The following SEMA3E variants were observed in gnomAD, a reference collection of about 807,000 sequenced individuals.
The protein encoded by SEMA3E is semaphorin 3E, also known as semaphorin-3E.
A neutral mutation model predicts 93.6 loss-of-function variants in SEMA3E; 49 were observed. The observed-to-expected ratio is 0.52, with a 90% confidence interval of 0.42 to 0.66. The LOEUF (loss-of-function observed/expected upper bound fraction) is 0.66, where lower values mean the gene tolerates loss of function less well. SEMA3E is among the 30% of genes least tolerant of loss of function. SEMA3E has a pLI of 0.00. For synonymous variants in SEMA3E, 363 were observed against 330.7 expected (o/e 1.10, Z -1.06); for missense variants, 906 against 964.8 (o/e 0.94, Z 0.81).
chr7:83,627,000 A>G (rs1265801528), intron 1 of SEMA3E, among the ~76,000 whole-genome samples: 1 of 152,150 alleles, frequency 6.6e-6, no homozygotes, highest in East Asian at 1.9e-4. Flanking sequence ...TTCAGTTTCC[A>G]TGTAGTTGTG....
chr7:83,537,603 A>C (rs1359251255), intron 1 of SEMA3E, among the ~76,000 whole-genome samples: 1 of 152,156 alleles, frequency 6.6e-6, no homozygotes, highest in Non-Finnish European at 1.5e-5. Flanking sequence ...AACAAATTTT[A>C]ATGCTGTAAC....
At chr7:83,389,610 T>C (rs918516729) in intron 14 of SEMA3E, among the ~76,000 whole-genome samples, 13 of 151,598 alleles carry the variant, frequency 8.6e-5, no homozygotes, top group Admixed American at 1.3e-4. Context: ...TATACACGTA[T>C]ATATTACATG....
chr7:83,548,038 A>C (rs1337766658), intron 1 of SEMA3E, among the ~76,000 whole-genome samples: 1 of 152,090 alleles, frequency 6.6e-6, no homozygotes, highest in Non-Finnish European at 1.5e-5. Flanking sequence ...AGTGAGACCA[A>C]GGTGGGCACA....
intron 4 of SEMA3E, among the ~76,000 whole-genome samples, chr7:83,452,536 G>C (rs1789387500): frequency 6.6e-6 from 1 of 152,152 alleles, no homozygotes; most frequent in African/African-American, 2.4e-5. Flanking sequence ...AGGTGCAAGA[G>C]AGTGAGGTTT....
At chr7:83,639,415 G>GTTA (rs997095509) in intron 1 of SEMA3E, among the ~76,000 whole-genome samples, 2 of 151,802 alleles carry the variant, frequency 1.3e-5, no homozygotes, top group Admixed American at 1.3e-4. Flanking sequence ...TTATAGTTGT[G>GTTA]TTATTTTGAC....
At position 83,400,180 on chromosome 7, in the gene SEMA3E, G is replaced by A. The variant is rs1390797360; in HGVS notation, c.1214C>T (p.Ala405Val). 6 of 1,613,758 alleles carry A rather than the reference G, an allele frequency of 3.7e-6. No homozygotes were observed. The highest frequency in any genetic ancestry group is 1.3e-5 in the African/African-American group (1 of 74,862). The change falls in exon 11 of 17, where the codon GCA becomes GTA. Residue 405 changes from alanine (A) to valine (V), a missense_variant. Physicochemically the swap from Ala to Val is moderately conservative, Grantham distance 64 (BLOSUM62 0). Transcript: ENST00000643230. ...KDYPDDAIRF[A>V]RSHPLMYQAI... The stretch of plus-strand genomic sequence containing the variant: ...CTGGTACATTAGTGGATGACTTCTT[G>A]CAAATCGGATGGCATCATCAGGATA...
chr7:83,624,204 T>C (rs1265517528), intron 1 of SEMA3E, among the ~76,000 whole-genome samples: 1 of 152,184 alleles, frequency 6.6e-6, no homozygotes, highest in Non-Finnish European at 1.5e-5. Context: ...TGTGTCTTTA[T>C]AGTAGAATGA....
At chr7:83,412,282 A>G (rs1788452057) in intron 5 of SEMA3E, among the ~76,000 whole-genome samples, 1 of 152,032 alleles carries the variant, frequency 6.6e-6, no homozygotes, top group African/African-American at 2.4e-5. Context: ...TCATCCAACT[A>G]TATTTTTATT....
chr7:83,508,855 T>C (rs1438625015), intron 1 of SEMA3E, among the ~76,000 whole-genome samples: 2 of 152,202 alleles, frequency 1.3e-5, no homozygotes, highest in African/African-American at 2.4e-5. Context: ...TACCCTACTA[T>C]ATGACCAAAA....
intron 4 of SEMA3E, among the ~76,000 whole-genome samples, chr7:83,440,896 G>A (rs1469828519): frequency 1.3e-5 from 2 of 151,970 alleles, no homozygotes; most frequent in African/African-American, 2.4e-5. Context: ...AAAGTTTAAT[G>A]AGCAAGAGGG....
rs535313783 is a variant in SEMA3E at position 83,434,775 on chromosome 7, G to A, written c.457-16292C>T. 1.6e-3 allele frequency among the ~76,000 whole-genome samples: 240 copies of A among 148,106 alleles called. 1 individual carries two copies. Among genetic ancestry groups the A allele is most frequent in the Non-Finnish European group, 2.9e-3 (195 of 66,988 alleles). On this transcript the variant is annotated intron_variant, in intron 4 of 16. Coordinates refer to ENST00000643230, the MANE Select transcript of SEMA3E (RefSeq NM_012431.3). ...GTCGCCCAGGCTGGAGTGCAGTGGCGGGATCTCGGCTCACTGCAAGCTCCG... is the reference window on the plus strand; with the variant it reads ...GTCGCCCAGGCTGGAGTGCAGTGGCAGGATCTCGGCTCACTGCAAGCTCCG...
intron 1 of SEMA3E, among the ~76,000 whole-genome samples, chr7:83,545,483 A>C (rs2713188): frequency 0.34 from 50,364 of 149,712 alleles, 10,335 homozygotes; most frequent in African/African-American, 0.57. Context: ...TTGTAGTTTT[A>C]TATCCAGTGT....
chr7:83,525,321 G>A (rs1305973055), intron 1 of SEMA3E, among the ~76,000 whole-genome samples: 2 of 151,928 alleles, frequency 1.3e-5, no homozygotes, highest in Admixed American at 6.6e-5. Flanking sequence ...TTTCTCCAGT[G>A]TTCTAAAATG....
intron 2 of SEMA3E, among the ~76,000 whole-genome samples, chr7:83,473,153 A>G (rs1304316455): frequency 6.6e-6 from 1 of 152,220 alleles, no homozygotes; most frequent in Non-Finnish European, 1.5e-5. Flanking sequence ...TTGTCAAGTT[A>G]ACATTTTGAT....
At chr7:83,557,808 G>C (rs1373816799) in intron 1 of SEMA3E, among the ~76,000 whole-genome samples, 2 of 152,078 alleles carry the variant, frequency 1.3e-5, no homozygotes, top group Admixed American at 6.6e-5. Flanking sequence ...TCTAAGAATT[G>C]CTCTAAGAAT....
chr7:83,516,246 C>T (rs551447731), intron 1 of SEMA3E, among the ~76,000 whole-genome samples: 1 of 152,218 alleles, frequency 6.6e-6, no homozygotes, highest in South Asian at 2.1e-4. Context: ...ATGCAATAGT[C>T]ATGGACTCTG....
At chr7:83,572,143 A>G (rs1792300076) in intron 1 of SEMA3E, among the ~76,000 whole-genome samples, 1 of 152,164 alleles carries the variant, frequency 6.6e-6, no homozygotes, top group Non-Finnish European at 1.5e-5. Flanking sequence ...AAATGGCCAA[A>G]CTGCCCAAAG....
intron 1 of SEMA3E, among the ~76,000 whole-genome samples, chr7:83,555,457 A>G (rs1791867267): frequency 6.6e-6 from 1 of 152,194 alleles, no homozygotes; most frequent in Non-Finnish European, 1.5e-5. Context: ...AGATAAAAGC[A>G]TGTGTTTTAT....
chr7:83,440,268 A>G (rs972838214), intron 4 of SEMA3E, among the ~76,000 whole-genome samples: 2 of 152,074 alleles, frequency 1.3e-5, no homozygotes, highest in African/African-American at 4.8e-5. Context: ...TAGTGTTATG[A>G]GAAGAGGAGA....
Sources: gnomAD v4.1 joint callset for allele counts (sites outside exome capture counted in the v4.1 genomes callset) on GRCh38, gnomAD v4.1.1 for gene constraint, MANE v1.5 for transcripts, NCBI Gene and HGNC (gene_info 2026-07-23, HGNC 2026-07-21) for gene names.